NDUFAF6: variants seen among roughly 807,000 people sequenced by gnomAD.
The protein encoded by NDUFAF6 is NADH:ubiquinone oxidoreductase complex assembly factor 6.
A neutral mutation model predicts 40.8 loss-of-function variants in NDUFAF6; 45 were observed. That is an observed-to-expected ratio of 1.10 (90% CI 0.87 to 1.42). The LOEUF (loss-of-function observed/expected upper bound fraction) is 1.42, where lower values mean the gene tolerates loss of function less well. NDUFAF6 is among the 40% of genes most tolerant of loss of function. The pLI is 0.00. For missense variants in NDUFAF6, 435 were observed against 418.5 expected, an observed-to-expected ratio of 1.04 and a Z score of -0.34; for synonymous variants, 185 against 155.9, an observed-to-expected ratio of 1.19 and a Z score of -1.39.
intron 2 of NDUFAF6, among the ~76,000 whole-genome samples, chr8:94,952,096 C>G (rs546431649): frequency 6.6e-5 from 10 of 152,222 alleles, no homozygotes; most frequent in Non-Finnish European, 1.5e-4. Flanking sequence ...TCAGAGTTCT[C>G]CTGTCTGTTT....
intron 1 of NDUFAF6, among the ~76,000 whole-genome samples, chr8:94,915,938 C>T (rs1156592823): frequency 6.6e-6 from 1 of 152,152 alleles, no homozygotes; most frequent in African/African-American, 2.4e-5. Context: ...GAGGATATCC[C>T]TCCTTTGATA....
rs1830675400 is a variant in NDUFAF6 at position 95,045,771 on chromosome 8, G to A, written c.580+124G>A. 4.3e-6 allele frequency: 3 copies of A among 699,104 alleles called. No individual in the cohort carries two copies. In the South Asian group the frequency reaches 5.3e-5, roughly 12 times the overall value. The allele number at this position is 699,104 out of a possible 1,614,324, so 43.3% of individuals were successfully genotyped here. A position where few individuals can be genotyped will look rare whatever the true frequency, so the allele number is the denominator to read the frequency against. ...GCCTTCCTTTATACTATCTGTAAAG[G>A]AACAGTTTTTTTTGTTATTATTATT... is the stretch of plus-strand genomic sequence containing the variant. On this transcript the variant is annotated intron_variant, in intron 5 of 8. Coordinates refer to ENST00000396124, the MANE Select transcript of NDUFAF6 (RefSeq NM_152416.4).
At position 95,057,889 on chromosome 8, in the gene NDUFAF6, A is replaced by G; in HGVS notation, c.954A>G (p.Thr318=). 6.4e-7 allele frequency: 1 copy of G among 1,572,054 alleles called. No individual in the cohort carries two copies. The highest frequency in any genetic ancestry group is 8.8e-7 in the Non-Finnish European group (1 of 1,142,108). Residue 318 remains threonine, a synonymous_variant, in exon 9 of 9, where the codon ACA becomes ACG. Coordinates refer to ENST00000396124, the MANE Select transcript of NDUFAF6 (RefSeq NM_152416.4). ...ACCCATCTTTACAGCAGAAGAATAC[A>G]TTACTTCCATTATATTTGTATATTC... ...IFHPSLQQKN[T]LLPLYLYIQS...
intron 1 of NDUFAF6, among the ~76,000 whole-genome samples, chr8:94,911,095 C>G (rs547902397): frequency 6.6e-6 from 1 of 152,280 alleles, no homozygotes; most frequent in African/African-American, 2.4e-5. Flanking sequence ...CAAGATGCCA[C>G]CTCAGCTATT....
intron 1 of NDUFAF6, among the ~76,000 whole-genome samples, chr8:94,945,054 A>C (rs1395635552): frequency 6.6e-6 from 1 of 152,246 alleles, no homozygotes; most frequent in Non-Finnish European, 1.5e-5. Context: ...GACTAGTATC[A>C]TCGAGAAACT....
At chr8:95,098,532 G>A (rs1159067236), upstream of NDUFAF6, among the ~76,000 whole-genome samples, 1 of 152,230 alleles carries the variant, frequency 6.6e-6, no homozygotes, top group Non-Finnish European at 1.5e-5. Flanking sequence ...CGGGCATGGT[G>A]GCACACACCT....
rs1237394127 is a variant in NDUFAF6, at chr8:94,909,614, GACTCCATCTCAAAAACAAA to G, written c.-936+13689_-936+13707del. On this transcript the variant is annotated intron_variant, in intron 1 of 14. Transcript: ENST00000396113. Reference sequence around the variant, plus strand: ...GCACTCCAGCCTGGCGACAGAGTGAGACTCCATCTCAAAAACAAAAAAAAATTTTTTTCAAAAAGCCAGC... The same window carrying G: ...GCACTCCAGCCTGGCGACAGAGTGAGAAAAAATTTTTTTCAAAAAGCCAGC... 2.6e-5 allele frequency among the ~76,000 whole-genome samples: 4 copies of G among 151,672 alleles called. No homozygotes were observed. The East Asian group carries it at 7.8e-4, about 29-fold the overall frequency.
chr8:94,999,920 C>A (rs1208595165), intron 2 of NDUFAF6, among the ~76,000 whole-genome samples: 3 of 152,188 alleles, frequency 2.0e-5, no homozygotes, highest in Admixed American at 1.3e-4. Flanking sequence ...AATCAAAAAG[C>A]TTATTTGGGG....
chr8:95,020,922 A>G (rs1827668635), upstream of NDUFAF6, among the ~76,000 whole-genome samples: 1 of 152,070 alleles, frequency 6.6e-6, no homozygotes, highest in African/African-American at 2.4e-5. Flanking sequence ...GTGTTTAATT[A>G]GGTGTTTGGG....
chr8:94,914,039 G>A (rs865802420), intron 1 of NDUFAF6, among the ~76,000 whole-genome samples: 5 of 150,966 alleles, frequency 3.3e-5, no homozygotes, highest in Admixed American at 1.3e-4. Context: ...CGATCTGCCC[G>A]CTTTGGCCTC....
intron 2 of NDUFAF6, among the ~76,000 whole-genome samples, chr8:95,101,459 C>G (rs1424388082): frequency 1.3e-5 from 2 of 152,170 alleles, no homozygotes; most frequent in Admixed American, 1.3e-4. Flanking sequence ...AGGGCGCTCA[C>G]AGCTGGGCAG....
chr8:95,071,112 C>T (rs931375394), intron 9 of NDUFAF6, among the ~76,000 whole-genome samples: 2 of 152,000 alleles, frequency 1.3e-5, no homozygotes, highest in African/African-American at 2.4e-5. Context: ...GGCAACCGGC[C>T]GGGCGCGGTG....
chr8:94,925,611 C>T (rs1219042384), intron 1 of NDUFAF6, among the ~76,000 whole-genome samples: 1 of 149,246 alleles, frequency 6.7e-6, no homozygotes, highest in African/African-American at 2.5e-5. Context: ...GCAGTCTCAG[C>T]TCACTGCAAC....
At chr8:94,989,108 T>C (rs1826076098) in intron 2 of NDUFAF6, 3 of 152,194 alleles carry the variant, frequency 2.0e-5, no homozygotes, top group Admixed American at 2.0e-4. Context: ...ACCATTTAAT[T>C]GTACATTTTA....
intron 2 of NDUFAF6, among the ~76,000 whole-genome samples, chr8:94,998,131 A>G (rs186514966): frequency 6.6e-6 from 1 of 152,292 alleles, no homozygotes; most frequent in Admixed American, 6.5e-5. Flanking sequence ...CGAGAAAAAC[A>G]ATTTTGCCTT....
intron 1 of NDUFAF6, among the ~76,000 whole-genome samples, chr8:95,026,862 A>G (rs1250564080): frequency 2.0e-5 from 3 of 152,176 alleles, no homozygotes. Flanking sequence ...AGCCTGGGCA[A>G]CATAGCGGGA....
upstream of NDUFAF6, among the ~76,000 whole-genome samples, chr8:94,957,368 TAGGGAGAGATTATGGACAGAGGA>T (rs1442724748): frequency 6.6e-6 from 1 of 151,956 alleles, no homozygotes; most frequent in African/African-American, 2.4e-5. Context: ...ATCAAGGAGC[TAGGGAGAGATTATGGACAGAGGA>T]AAGGGCTGAA....
intron 2 of NDUFAF6, 26 bp downstream of exon 2, chr8:95,032,120 T>C (rs2131775637): frequency 1.3e-6 from 2 of 1,585,654 alleles, no homozygotes; most frequent in Non-Finnish European, 1.7e-6. Flanking sequence ...CCTTAAAATA[T>C]TATTTGCGAA....
At chr8:95,052,356 A>G in intron 8 of NDUFAF6, 126 bp downstream of exon 8, 1 of 1,001,638 alleles carries the variant, frequency 1.0e-6, no homozygotes, top group African/African-American at 1.6e-5. Context: ...TCCCTCCCTC[A>G]TGGCGGCTTT....
Sources: allele counts gnomAD v4.1 joint callset (sites outside exome capture counted in the v4.1 genomes callset), GRCh38; gene constraint gnomAD v4.1.1; transcripts MANE v1.5; gene names NCBI Gene and HGNC (gene_info 2026-07-23, HGNC 2026-07-21).